ZNF804A: variants seen among roughly 807,000 people sequenced by gnomAD.
The protein encoded by ZNF804A is zinc finger protein 804A.
In ZNF804A, 2 loss-of-function variants were observed where a neutral mutation model predicts 16.5. That is an observed-to-expected ratio of 0.12 (90% CI 0.05 to 0.38). The LOEUF is 0.38. Among genes scored for constraint, ZNF804A ranks in the 10% least tolerant of loss-of-function variants. ZNF804A has a pLI of 0.99. For synonymous variants in ZNF804A, 534 were observed against 489.6 expected (o/e 1.09, Z -1.20); for missense variants, 1,473 against 1,390.7 (o/e 1.06, Z -0.94).
At chr2:184,682,203 G>A (rs1213591637) in intron 1 of ZNF804A, among the ~76,000 whole-genome samples, 3 of 152,170 alleles carry the variant, frequency 2.0e-5, no homozygotes, top group Non-Finnish European at 2.9e-5. Context: ...GGTGGGCCCT[G>A]CCAGGCAAAG....
chr2:184,644,130 GAAAAAAA>G (rs999676241), intron 1 of ZNF804A, among the ~76,000 whole-genome samples: 1 of 150,786 alleles, frequency 6.6e-6, no homozygotes, highest in Non-Finnish European at 1.5e-5. Context: ...TCAACCTTCT[GAAAAAAA>G]ATACTGAAGT....
chr2:184,819,015 A>T (rs1695029808), intron 1 of ZNF804A, among the ~76,000 whole-genome samples: 1 of 152,036 alleles, frequency 6.6e-6, no homozygotes, highest in African/African-American at 2.4e-5. Context: ...ACAGAAAATT[A>T]ACGAAGATAT....
chr2:184,916,833 G>T (rs1450395047), intron 2 of ZNF804A, among the ~76,000 whole-genome samples: 1 of 151,806 alleles, frequency 6.6e-6, no homozygotes, highest in Admixed American at 6.6e-5. Context: ...GGGAGACAGA[G>T]TAAGACTCCA....
At chr2:184,640,789 C>T (rs1195626967) in intron 1 of ZNF804A, among the ~76,000 whole-genome samples, 1 of 152,016 alleles carries the variant, frequency 6.6e-6, no homozygotes, top group Non-Finnish European at 1.5e-5. Context: ...ATGATAATGG[C>T]TTTAAGCAAA....
intron 1 of ZNF804A, among the ~76,000 whole-genome samples, chr2:184,665,274 G>C (rs1692239553): frequency 6.6e-6 from 1 of 152,118 alleles, no homozygotes; most frequent in Admixed American, 6.5e-5. Flanking sequence ...CTGGTTTTAT[G>C]TGATATTTTG....
At chr2:184,878,826 TG>T (rs1484109379) in intron 2 of ZNF804A, among the ~76,000 whole-genome samples, 2 of 152,072 alleles carry the variant, frequency 1.3e-5, no homozygotes, top group Non-Finnish European at 2.9e-5. Context: ...TAAAAATATT[TG>T]TTTTTTTATT....
At chr2:184,599,153 C>A in intron 1 of ZNF804A, 83 bp downstream of exon 1, 2 of 1,134,276 alleles carry the variant, frequency 1.8e-6, no homozygotes, top group East Asian at 2.5e-5. Flanking sequence ...TTTTGAGATT[C>A]AGTTTGGTTT....
chr2:184,744,858 A>G (rs1005170770), intron 1 of ZNF804A, among the ~76,000 whole-genome samples: 1 of 151,692 alleles, frequency 6.6e-6, no homozygotes, highest in Non-Finnish European at 1.5e-5. Flanking sequence ...TTTACAATTA[A>G]CTCCCAATTA....
At chr2:184,842,037 A>G (rs529370461) in intron 1 of ZNF804A, among the ~76,000 whole-genome samples, 92 of 152,312 alleles carry the variant, frequency 6.0e-4, no homozygotes, top group Middle Eastern at 6.8e-3. Flanking sequence ...TTTTTGTAGC[A>G]TCAATAAATA....
At chr2:184,708,558 T>C (rs2105735323) in intron 1 of ZNF804A, among the ~76,000 whole-genome samples, 1 of 152,170 alleles carries the variant, frequency 6.6e-6, no homozygotes, top group South Asian at 2.1e-4. Flanking sequence ...AAGGACCAAA[T>C]TCAACAAACG....
At chr2:184,857,747 G>A (rs571697738) in intron 1 of ZNF804A, among the ~76,000 whole-genome samples, 1 of 151,572 alleles carries the variant, frequency 6.6e-6, no homozygotes, top group South Asian at 2.1e-4. Context: ...TTCAGTTTTT[G>A]ACTTAAAGCC....
At position 184,937,305 on chromosome 2, in the gene ZNF804A, C is replaced by A. The variant is rs1685808193; in HGVS notation, c.1909C>A (p.Pro637Thr). 1 of 1,613,764 alleles carries A rather than the reference C, an allele frequency of 6.2e-7. No homozygotes were observed. Among genetic ancestry groups the A allele is most frequent in the Non-Finnish European group, 8.5e-7 (1 of 1,179,920 alleles). Reference protein sequence around the residue: ...TENAGKYLLEPISEKQYLAAE... With the variant: ...TENAGKYLLETISEKQYLAAE... ...AAATGCTGGGAAATATCTATTGGAA[C>A]CAATTTCAGAAAAGCAGTATTTAGC... Residue 637 changes from proline (P) to threonine (T), a missense_variant, in exon 4 of 4, where the codon CCA becomes ACA. By Grantham distance (38) the Pro-to-Thr change is conservative (BLOSUM62 -1). Transcript: ENST00000302277.
intron 1 of ZNF804A, among the ~76,000 whole-genome samples, chr2:184,713,234 AT>A (rs1040975396): frequency 6.6e-6 from 1 of 151,480 alleles, no homozygotes; most frequent in East Asian, 1.9e-4. Context: ...AAAGATGGCT[AT>A]TTTTTTTCAT....
At chr2:184,797,021 A>G (rs1377117248) in intron 1 of ZNF804A, among the ~76,000 whole-genome samples, 1 of 151,926 alleles carries the variant, frequency 6.6e-6, no homozygotes, top group South Asian at 2.1e-4. Context: ...TTTTTAATTT[A>G]TTGAGGCTTG....
intron 1 of ZNF804A, among the ~76,000 whole-genome samples, chr2:184,738,021 G>A (rs1482296350): frequency 6.7e-6 from 1 of 149,062 alleles, no homozygotes; most frequent in Non-Finnish European, 1.5e-5. Flanking sequence ...AGCTACTTGG[G>A]AGGTTGAGGC....
intron 1 of ZNF804A, among the ~76,000 whole-genome samples, chr2:184,706,369 A>G (rs1216695908): frequency 6.6e-6 from 1 of 152,132 alleles, no homozygotes; most frequent in Non-Finnish European, 1.5e-5. Flanking sequence ...CTGTTAAGTA[A>G]TTTTTGGGAA....
Position 184,926,160 on chromosome 2 carries a change from C to G in ZNF804A, c.256-7443C>G, listed in dbSNP as rs185182722. 1.3e-3 allele frequency among the ~76,000 whole-genome samples: 196 copies of G among 152,196 alleles called. 2 individuals are homozygous for G. Among genetic ancestry groups the G allele is most frequent in the African/African-American group, 4.3e-3 (177 of 41,566 alleles). ...ACCTTTTCTTTCTAACTGAAGCACT[C>G]CCTTTAACATTTCTTGTGGGACAAT... On this transcript the variant is annotated intron_variant, in intron 2 of 3. Transcript: ENST00000302277.
intron 1 of ZNF804A, among the ~76,000 whole-genome samples, chr2:184,670,310 C>G (rs1692322037): frequency 6.6e-6 from 1 of 151,882 alleles, no homozygotes; most frequent in African/African-American, 2.4e-5. Context: ...TCAGAGTACC[C>G]CAGTTATTAT....
intron 1 of ZNF804A, among the ~76,000 whole-genome samples, chr2:184,856,907 A>G (rs968377846): frequency 6.6e-6 from 1 of 152,052 alleles, no homozygotes; most frequent in East Asian, 1.9e-4. Flanking sequence ...GGGATACTCA[A>G]CCAGTACTTC....
Sources: allele counts gnomAD v4.1 joint callset (sites outside exome capture counted in the v4.1 genomes callset), GRCh38; gene constraint gnomAD v4.1.1; transcripts MANE v1.5; gene names NCBI Gene and HGNC (gene_info 2026-07-23, HGNC 2026-07-21).